CHD1L: variants seen among roughly 807,000 people sequenced by gnomAD.
CHD1L encodes the protein ATP-dependent chromatin remodeler CHD1L.
CHD1L carries 118 observed loss-of-function variants against 115.9 expected under a neutral mutation model. The observed-to-expected ratio is 1.02, with a 90% CI of 0.88 to 1.19. The LOEUF is 1.19. CHD1L is among the 50% of genes most tolerant of loss of function. The pLI is 0.00. For synonymous variants in CHD1L, 411 were observed against 387.1 expected (o/e 1.06, Z -0.72); for missense variants, 1,179 against 1,065.3 (o/e 1.11, Z -1.49).
At position 147,293,078 on chromosome 1, in the gene CHD1L, C is replaced by G. The variant is rs868994008; in HGVS notation, c.2392-530C>G. 3.3e-5 allele frequency among the ~76,000 whole-genome samples: 5 copies of G among 152,346 alleles called. No individual in the cohort carries two copies. In the South Asian group the frequency reaches 8.3e-4, roughly 25 times the overall value. ...GTTTACAGGGAGTAGAGCACCATGT[C>G]TATGATATGACTGTGGTGATGTCAT... is the stretch of plus-strand genomic sequence containing the variant. On this transcript the variant is annotated intron_variant, in intron 20 of 22. Transcript: ENST00000369258.
At chr1:147,199,984 G>A in the CHD1L span, among the ~76,000 whole-genome samples, 1 of 152,072 alleles carries the variant, frequency 6.6e-6, no homozygotes, top group African/African-American at 2.4e-5. Flanking sequence ...TTCTTCTTTA[G>A]AAGGACCCTT....
the CHD1L span, among the ~76,000 whole-genome samples, chr1:147,232,671 G>A: frequency 1.3e-5 from 2 of 152,276 alleles, no homozygotes; most frequent in East Asian, 1.9e-4. Context: ...ACTGGTTTTC[G>A]TATTTTTTTG....
At chr1:147,256,036 C>T in intron 4 of CHD1L, 109 bp downstream of exon 4, 2 of 632,736 alleles carry the variant, frequency 3.2e-6, no homozygotes, top group South Asian at 5.3e-5. Flanking sequence ...CTTTTCTGGG[C>T]AGGGAGTCTA....
At chr1:147,189,928 C>T in the CHD1L span, among the ~76,000 whole-genome samples, 2 of 152,082 alleles carry the variant, frequency 1.3e-5, no homozygotes, top group Non-Finnish European at 2.9e-5. Context: ...ATGCATTTTC[C>T]TATGTGACTT....
intron 1 of CHD1L, 70 bp from the exon 2 acceptor site, chr1:147,252,553 C>T: frequency 1.7e-6 from 2 of 1,210,740 alleles, no homozygotes; most frequent in Non-Finnish European, 2.4e-6. Context: ...CTCATTCAAA[C>T]TCTTAGAACA....
At chr1:147,294,586 T>C (rs1370036561) in intron 22 of CHD1L, 69 bp downstream of exon 22, 5 of 1,284,318 alleles carry the variant, frequency 3.9e-6, no homozygotes, top group Non-Finnish European at 5.5e-6. Context: ...TTTTCTGGTG[T>C]CAGTTCTTAA....
At chr1:147,291,408 G>A in intron 19 of CHD1L, 74 bp from the exon 20 acceptor site, 2 of 1,267,030 alleles carry the variant, frequency 1.6e-6, no homozygotes, top group East Asian at 2.3e-5. Flanking sequence ...ATTTGAAGAA[G>A]GCGAGATACG....
At chr1:147,266,453 G>A (rs1389490661) in intron 8 of CHD1L, among the ~76,000 whole-genome samples, 1 of 152,140 alleles carries the variant, frequency 6.6e-6, no homozygotes, top group African/African-American at 2.4e-5. Context: ...ACTGCAGTCT[G>A]AAAATATTAA....
the CHD1L span, chr1:147,190,147 A>C: frequency 7.2e-7 from 1 of 1,391,268 alleles, no homozygotes; most frequent in Non-Finnish European, 1.0e-6. Context: ...TAGAAATGTA[A>C]CCATATATCT....
At chr1:147,291,335 T>C (rs587698377) in intron 19 of CHD1L, 147 bp from the exon 20 acceptor site, 13 of 662,426 alleles carry the variant, frequency 2.0e-5, no homozygotes, top group South Asian at 1.1e-4. Flanking sequence ...AGCTAAGAGG[T>C]TGACTGAGGC....
At chr1:147,218,998 A>G in the CHD1L span, among the ~76,000 whole-genome samples, 2 of 152,196 alleles carry the variant, frequency 1.3e-5, no homozygotes, top group Non-Finnish European at 2.9e-5. Context: ...TGTTTCCATG[A>G]CTGTGAGAAA....
chr1:147,282,968 T>C (rs1553962945), intron 15 of CHD1L, among the ~76,000 whole-genome samples: 1 of 152,178 alleles, frequency 6.6e-6, no homozygotes, highest in African/African-American at 2.4e-5. Flanking sequence ...TCTAGGCTTG[T>C]GATGGCAGAG....
chr1:147,294,110 C>G (rs1190276938), intron 21 of CHD1L, among the ~76,000 whole-genome samples: 2 of 152,130 alleles, frequency 1.3e-5, no homozygotes, highest in East Asian at 3.8e-4. Context: ...GTTTCGAAAC[C>G]TAGTGTGTCT....
At chr1:147,263,551 C>T (rs1455093726) in intron 6 of CHD1L, among the ~76,000 whole-genome samples, 3 of 151,894 alleles carry the variant, frequency 2.0e-5, no homozygotes, top group African/African-American at 7.3e-5. Flanking sequence ...TTTTGCTTGA[C>T]CTAATATCTT....
intron 5 of CHD1L, 193 bp from the exon 6 acceptor site, chr1:147,259,644 G>T: frequency 4.3e-6 from 2 of 461,586 alleles, no homozygotes; most frequent in East Asian, 3.3e-5. Flanking sequence ...AAAATCCCTT[G>T]GTTTTACTAC....
intron 18 of CHD1L, among the ~76,000 whole-genome samples, chr1:147,287,136 C>G (rs1173761373): frequency 6.6e-6 from 1 of 152,178 alleles, no homozygotes; most frequent in African/African-American, 2.4e-5. Context: ...GACTGTGGTG[C>G]CTAGAACGAT....
chr1:147,198,850 C>CA, the CHD1L span, among the ~76,000 whole-genome samples: 14,319 of 51,432 alleles, frequency 0.28, 2,243 homozygotes, highest in Non-Finnish European at 0.35. Flanking sequence ...GACTGCATCT[C>CA]AAAAAAAAAA....
intron 1 of CHD1L, among the ~76,000 whole-genome samples, chr1:147,250,648 CGTT>C (rs1553935994): frequency 2.0e-5 from 3 of 152,162 alleles, no homozygotes; most frequent in African/African-American, 4.8e-5. Context: ...CTGGGGCACT[CGTT>C]GTAGCTGTAG....
In CHD1L at chr1:147,284,449, C is replaced by G. The variant is rs1682243678; in HGVS notation, c.1804C>G (p.Leu602Val). The G allele has an allele frequency of 1.2e-6, 2 of 1,611,878 alleles. No homozygotes were observed. Among genetic ancestry groups the G allele is most frequent in the African/African-American group, 1.3e-5 (1 of 74,716 alleles). The part of the protein sequence containing the change: ...FEQLVNLQKT[L>V]LEKASQEGRS... Reference sequence around the variant, plus strand: ...ACAACTGGTAAACCTTCAGAAAACCCTTTTGGAGAAAGCTAGTCAAGAGGG... The same window carrying G: ...ACAACTGGTAAACCTTCAGAAAACCGTTTTGGAGAAAGCTAGTCAAGAGGG... The change falls in exon 16 of 23, where the codon CTT (leucine) becomes GTT (valine). Residue 602 changes from leucine (L) to valine (V), a missense_variant. Leu to Val is a conservative substitution (Grantham distance 32, BLOSUM62 1). Transcript: ENST00000369258.
Sources: allele counts gnomAD v4.1 joint callset (sites outside exome capture counted in the v4.1 genomes callset), GRCh38; gene constraint gnomAD v4.1.1; transcripts MANE v1.5; gene names NCBI Gene and HGNC (gene_info 2026-07-23, HGNC 2026-07-21).